TM9SF3: variants seen among roughly 807,000 people sequenced by gnomAD.
TM9SF3 encodes SM-11044-binding protein.
In TM9SF3, 14 loss-of-function variants were observed where a neutral mutation model predicts 78.6. The observed-to-expected ratio is 0.18, with a 90% CI of 0.12 to 0.28. The LOEUF (loss-of-function observed/expected upper bound fraction) is 0.28, where lower values mean the gene tolerates loss of function less well. TM9SF3 is among the 10% of genes least tolerant of loss of function. TM9SF3 has a pLI of 1.00. For missense variants in TM9SF3, 496 were observed against 721.9 expected (o/e 0.69, Z 3.59); for synonymous variants, 231 against 241.7 (o/e 0.96, Z 0.41).
Position 96,520,126 on chromosome 10 carries a change from T to A in TM9SF3, c.*2137A>T, listed in dbSNP as rs1395233152. On this transcript the variant is annotated 3_prime_UTR_variant, in exon 15 of 15. Coordinates refer to ENST00000371142, the MANE Select transcript of TM9SF3 (RefSeq NM_020123.4). ...CCATCAGACAGACTATGTATTGGTA[T>A]GTTAAAAGTACTTTTGAATAAAAGT... 6.6e-6 allele frequency: 1 copy of A among 151,914 alleles called. No individual in the cohort carries two copies. The highest frequency in any genetic ancestry group is 1.5e-5 in the Non-Finnish European group (1 of 67,820). 9.4% of individuals were successfully genotyped at this position (151,914 alleles called of 1,614,324 possible).
intron 9 of TM9SF3, among the ~76,000 whole-genome samples, chr10:96,537,757 G>A (rs780889320): frequency 1.3e-5 from 2 of 152,096 alleles, no homozygotes; most frequent in Non-Finnish European, 2.9e-5. Flanking sequence ...GCTTGAACCC[G>A]GGAGATGGAG....
In TM9SF3 at chr10:96,519,499, T is replaced by C. The variant is rs940958710; in HGVS notation, c.*2764A>G. On this transcript the variant is annotated 3_prime_UTR_variant, in exon 15 of 15. Coordinates refer to ENST00000371142, the MANE Select transcript of TM9SF3 (RefSeq NM_020123.4). ...CTTATCCTACTCTTGTATTAGGATA[T>C]ATGTATACAAATGTCAACTACTAAT... 5.3e-5 allele frequency: 8 copies of C among 151,998 alleles called. No homozygotes were observed. The highest frequency in any genetic ancestry group is 8.8e-5 in the Non-Finnish European group (6 of 67,884). 9.4% of individuals were successfully genotyped at this position (151,998 alleles called of 1,614,324 possible).
intron 9 of TM9SF3, among the ~76,000 whole-genome samples, chr10:96,539,899 T>C (rs1848002519): frequency 6.6e-6 from 1 of 152,200 alleles, no homozygotes; most frequent in African/African-American, 2.4e-5. Flanking sequence ...GTCTTGGTTT[T>C]CTGTTCTGTA....
chr10:96,550,438 T>A (rs1848153683), intron 7 of TM9SF3, among the ~76,000 whole-genome samples: 1 of 152,086 alleles, frequency 6.6e-6, no homozygotes, highest in Non-Finnish European at 1.5e-5. Flanking sequence ...GAGGAAAGAG[T>A]GCATTATGAA....
intron 3 of TM9SF3, among the ~76,000 whole-genome samples, chr10:96,563,784 A>G (rs1848337750): frequency 6.6e-6 from 1 of 152,200 alleles, no homozygotes. Context: ...AAAAGGCGTT[A>G]AAAGACTCTG....
At position 96,537,382 on chromosome 10, in the gene TM9SF3, T is replaced by C. The variant is rs564388334; in HGVS notation, c.1186-4192A>G. ...CCTTGTAAGATTAGGCTATAACATA[T>C]AGCCTAGGTTTGTAGGAGGCTATAC... On this transcript the variant is annotated intron_variant, in intron 9 of 14. Transcript: ENST00000371142. 3.9e-5 allele frequency among the ~76,000 whole-genome samples: 6 copies of C among 152,340 alleles called. No individual in the cohort carries two copies. The South Asian group carries it at 6.2e-4, about 16-fold the overall frequency.
chr10:96,527,127 A>C (rs1589445714), intron 14 of TM9SF3, 86 bp downstream of exon 14: 1 of 1,192,504 alleles, frequency 8.4e-7, no homozygotes, highest in East Asian at 2.4e-5. Context: ...ACAACAGATA[A>C]AATTTCTTAA....
Position 96,551,342 on chromosome 10 carries a change from G to C in TM9SF3, c.862C>G (p.Pro288Ala), listed in dbSNP as rs752193971. 6.2e-7 allele frequency: 1 copy of C among 1,612,606 alleles called. No individual in the cohort carries two copies. Among genetic ancestry groups the C allele is most frequent in the Non-Finnish European group, 8.5e-7 (1 of 1,179,444 alleles). Residue 288 changes from proline to alanine, a missense_variant, in exon 7 of 15, where the codon CCA becomes GCA. Pro to Ala is a conservative substitution (Grantham distance 27). Around this residue, in one of 4 missense-constraint regions of TM9SF3, gnomAD observed 280 missense variants for 422.6 expected, o/e 0.66. Coordinates refer to ENST00000371142, the MANE Select transcript of TM9SF3 (RefSeq NM_020123.4). ...CCAATCAGAGAGGAAAATATCAGTG[G>C]GTGACTTGATGGTCTAAATACATCT... is the stretch of plus-strand genomic sequence containing the variant. ...HGDVFRPSSH[P>A]LIFSSLIGSG...
chr10:96,577,235 TCAA>T (rs1178000258), intron 1 of TM9SF3, among the ~76,000 whole-genome samples: 1 of 48,310 alleles, frequency 2.1e-5, no homozygotes, highest in East Asian at 6.0e-4. Context: ...CTCATGTTAA[TCAA>T]TTAAAAAAAA....
intron 6 of TM9SF3, 114 bp from the exon 7 acceptor site, chr10:96,551,525 G>T: frequency 3.1e-6 from 2 of 650,794 alleles, no homozygotes; most frequent in South Asian, 3.7e-5. Context: ...TATAGCTAAA[G>T]AAATACAAAA....
chr10:96,522,161 T>C lies in TM9SF3; in HGVS notation c.*102A>G, dbSNP rs138917272. ...AGAGAGACCCACAAAGTACCCAGTG[T>C]GTTAAAGCCCAAATCTCTTCTTGCG... is the stretch of plus-strand genomic sequence containing the variant. On this transcript the variant is annotated 3_prime_UTR_variant, in exon 15 of 15. Transcript: ENST00000371142. The C allele has an allele frequency of 3.5e-5, 33 of 946,210 alleles. No homozygotes were observed. The African/African-American group carries it at 4.5e-4, about 13-fold the overall frequency. The allele number at this position is 946,210 out of a possible 1,614,324, so 58.6% of individuals were successfully genotyped here. A position where few individuals can be genotyped will look rare whatever the true frequency, so the allele number is the denominator to read the frequency against.
chr10:96,581,657 T>C (rs1177416846), intron 1 of TM9SF3, among the ~76,000 whole-genome samples: 1 of 152,200 alleles, frequency 6.6e-6, no homozygotes, highest in African/African-American at 2.4e-5. Context: ...ACAAATTCAC[T>C]TATAGTAAAC....
At chr10:96,533,334 C>T in intron 9 of TM9SF3, 144 bp from the exon 10 acceptor site, 1 of 968,718 alleles carries the variant, frequency 1.0e-6, no homozygotes, top group Non-Finnish European at 1.5e-6. Context: ...AAGAAGTACA[C>T]TAATGAAAAC....
intron 4 of TM9SF3, chr10:96,560,760 CAA>C: frequency 1.8e-6 from 1 of 568,528 alleles, no homozygotes; most frequent in Non-Finnish European, 3.4e-6. Context: ...CAAAAATGCA[CAA>C]AAGTCAAATC....
chr10:96,552,411 T>C (rs1335132206), intron 6 of TM9SF3, among the ~76,000 whole-genome samples: 1 of 152,186 alleles, frequency 6.6e-6, no homozygotes, highest in Non-Finnish European at 1.5e-5. Flanking sequence ...ATCGCACCAC[T>C]ACACTCCAGC....
rs900471445 is a variant in TM9SF3, at chr10:96,518,803, T to G, written c.*3460A>C. The G allele has an allele frequency of 6.6e-6, 1 of 151,708 alleles. No homozygotes were observed. Among genetic ancestry groups the G allele is most frequent in the Non-Finnish European group, 1.5e-5 (1 of 67,890 alleles). 9.4% of individuals were successfully genotyped at this position (151,708 alleles called of 1,614,324 possible). ...TATTTCTGTACACACTTCCAAATAC[T>G]CTTCATAAATTTTCACTTCTGACTG... On this transcript the variant is annotated 3_prime_UTR_variant, in exon 15 of 15. Transcript: ENST00000371142.
At chr10:96,583,791 T>C (rs1465858033) in intron 1 of TM9SF3, among the ~76,000 whole-genome samples, 1 of 152,114 alleles carries the variant, frequency 6.6e-6, no homozygotes. Context: ...CCCAGCACTT[T>C]GGGAGGCCGA....
Position 96,528,096 on chromosome 10 carries a change from G to A in TM9SF3, c.1476C>T (p.Cys492=). The stretch of plus-strand genomic sequence containing the variant: ...CAATAGTCACACAGACAGTCACAAT[G>A]CACAGGATAACCAGCACCAGCATCA... ...GFMMLVLVIL[C]IVTVCVTIVC... is the part of the protein sequence containing the mutation. Residue 492 remains cysteine (C), a synonymous_variant, in exon 12 of 15, where the codon TGC becomes TGT. Coordinates refer to ENST00000371142, the MANE Select transcript of TM9SF3 (RefSeq NM_020123.4). The A allele has an allele frequency of 2.5e-6, 4 of 1,612,868 alleles. No homozygotes were observed. The highest frequency in any genetic ancestry group is 3.4e-6 in the Non-Finnish European group (4 of 1,179,112).
intron 1 of TM9SF3, among the ~76,000 whole-genome samples, chr10:96,581,023 G>C (rs1848562500): frequency 6.6e-6 from 1 of 152,122 alleles, no homozygotes; most frequent in African/African-American, 2.4e-5. Context: ...ACAGTGCCAG[G>C]TGTACAAAGC....
Sources: allele counts gnomAD v4.1 joint callset (sites outside exome capture counted in the v4.1 genomes callset), GRCh38; gene constraint gnomAD v4.1.1; regional missense constraint gnomAD v4.1.1; transcripts MANE v1.5; gene names NCBI Gene and HGNC (gene_info 2026-07-23, HGNC 2026-07-21).